The following CACNA2D3 variants were observed in gnomAD, a reference collection of about 807,000 sequenced individuals.
The protein encoded by CACNA2D3 is voltage-dependent calcium channel subunit alpha-2/delta-3.
In CACNA2D3, 60 loss-of-function variants were observed where a neutral mutation model predicts 160.6. The ratio of observed to expected loss-of-function variants is 0.37; its 90% confidence interval spans 0.30 to 0.46. The LOEUF is 0.46. Among genes scored for constraint, CACNA2D3 ranks in the 20% least tolerant of loss-of-function variants. CACNA2D3 has a pLI of 1.00. For missense variants in CACNA2D3, 1,205 were observed against 1,365.0 expected (o/e 0.88, Z 1.85); for synonymous variants, 558 against 492.9 (o/e 1.13, Z -1.75).
At chr3:54,821,729 C>T (rs1473458341) in intron 14 of CACNA2D3, among the ~76,000 whole-genome samples, 3 of 142,590 alleles carry the variant, frequency 2.1e-5, no homozygotes, top group East Asian at 4.2e-4. Flanking sequence ...CTCTCTCTCT[C>T]TCTCTCTTTC....
At chr3:54,402,797 C>G (rs6807267) in intron 4 of CACNA2D3, among the ~76,000 whole-genome samples, 126,912 of 152,176 alleles carry the variant, frequency 0.83, 52,999 homozygotes, top group African/African-American at 0.86. Context: ...AATATATACA[C>G]AACTTTCCAT....
Position 54,254,475 on chromosome 3 carries a change from C to T in CACNA2D3, c.205-65967C>T, listed in dbSNP as rs142150304. On this transcript the variant is annotated intron_variant, in intron 2 of 37. Transcript: ENST00000474759. The stretch of plus-strand genomic sequence containing the variant: ...GAGGTATCCACCAAATGCAATCTTC[C>T]AGTAGCTTCTTTGTGGTTATGTTTG... Among the ~76,000 whole-genome samples the T allele has an allele frequency of 7.5e-3, 1,149 of 152,256 alleles. 12 individuals carry two copies. The highest frequency in any genetic ancestry group is 0.013 in the Non-Finnish European group (851 of 68,012).
At chr3:54,842,937 A>G (rs1409454334) in intron 16 of CACNA2D3, among the ~76,000 whole-genome samples, 1 of 151,654 alleles carries the variant, frequency 6.6e-6, no homozygotes, top group Non-Finnish European at 1.5e-5. Context: ...AGAGGAAGGA[A>G]AGAGAACTAC....
intron 4 of CACNA2D3, among the ~76,000 whole-genome samples, chr3:54,422,692 A>G (rs536643965): frequency 6.6e-6 from 1 of 152,268 alleles, no homozygotes; most frequent in Admixed American, 6.5e-5. Flanking sequence ...ATGATATCAA[A>G]TGTTGGTAAG....
chr3:55,037,491 G>T (rs1195971433), intron 35 of CACNA2D3, among the ~76,000 whole-genome samples: 1 of 152,148 alleles, frequency 6.6e-6, no homozygotes, highest in Non-Finnish European at 1.5e-5. Context: ...TGTGTCCTAG[G>T]GTCTTGGAGA....
chr3:54,658,268 C>G (rs1214998517), intron 11 of CACNA2D3, among the ~76,000 whole-genome samples: 2 of 152,210 alleles, frequency 1.3e-5, no homozygotes, highest in African/African-American at 4.8e-5. Context: ...ATACTGTTTT[C>G]ATAATGGCTG....
chr3:54,250,608 A>G (rs1702169233), intron 2 of CACNA2D3, among the ~76,000 whole-genome samples: 1 of 151,740 alleles, frequency 6.6e-6, no homozygotes. Flanking sequence ...TAATTTTTAA[A>G]TTTTTTTTGT....
chr3:54,425,085 T>G (rs552557285), intron 4 of CACNA2D3, among the ~76,000 whole-genome samples: 83 of 152,292 alleles, frequency 5.5e-4, no homozygotes, highest in Middle Eastern at 3.4e-3. Context: ...ATCCCAGAAC[T>G]TTGGGAGGCT....
chr3:54,843,387 G>A (rs543586873), intron 16 of CACNA2D3, among the ~76,000 whole-genome samples: 4 of 152,212 alleles, frequency 2.6e-5, no homozygotes, highest in African/African-American at 9.7e-5. Context: ...GCATGGGTGA[G>A]GATTAGCCAC....
intron 29 of CACNA2D3, among the ~76,000 whole-genome samples, chr3:54,982,838 T>C (rs1702535218): frequency 6.6e-6 from 1 of 151,870 alleles, no homozygotes; most frequent in African/African-American, 2.4e-5. Flanking sequence ...TTGGTGGGAG[T>C]ATAGCAGTGA....
intron 2 of CACNA2D3, among the ~76,000 whole-genome samples, chr3:54,147,335 C>T (rs1218726382): frequency 6.6e-6 from 1 of 152,242 alleles, no homozygotes; most frequent in Non-Finnish European, 1.5e-5. Flanking sequence ...GTTGGCTCTT[C>T]TGACTCTAAA....
At chr3:54,252,100 G>GTTTT (rs548233026) in intron 2 of CACNA2D3, among the ~76,000 whole-genome samples, 4 of 121,014 alleles carry the variant, frequency 3.3e-5, no homozygotes, top group South Asian at 2.6e-4. Context: ...TGCAGAGCTA[G>GTTTT]TTTTTTTTTT....
chr3:54,328,753 G>A (rs1704175931), intron 3 of CACNA2D3, among the ~76,000 whole-genome samples: 1 of 152,198 alleles, frequency 6.6e-6, no homozygotes. Context: ...AGAGAGGAAT[G>A]TGGGTGTAGG....
At chr3:54,603,366 T>C (rs1176727268) in intron 9 of CACNA2D3, among the ~76,000 whole-genome samples, 1 of 152,240 alleles carries the variant, frequency 6.6e-6, no homozygotes. Flanking sequence ...TACCAGGCTC[T>C]CTCAACCCCA....
chr3:54,208,014 G>A (rs9825455), intron 2 of CACNA2D3, among the ~76,000 whole-genome samples: 53,078 of 152,020 alleles, frequency 0.35, 11,531 homozygotes, highest in East Asian at 0.6. Flanking sequence ...CAGTGTTGTC[G>A]ATTTGATTTT....
chr3:54,456,931 G>A (rs895600019), intron 4 of CACNA2D3, among the ~76,000 whole-genome samples: 4 of 151,604 alleles, frequency 2.6e-5, no homozygotes, highest in Admixed American at 6.6e-5. Flanking sequence ...TATTTCTGTA[G>A]TATCAGCTGT....
At chr3:54,148,496 G>C (rs191716974) in intron 2 of CACNA2D3, among the ~76,000 whole-genome samples, 26 of 152,328 alleles carry the variant, frequency 1.7e-4, no homozygotes, top group African/African-American at 5.5e-4. Context: ...CTAGCATGTG[G>C]CAGGGGGTTG....
rs569325102 is a variant in CACNA2D3, at chr3:54,792,689, G to A, written c.1381-24164G>A. ...CTCTGCCCTCAGAAGAAAGAAATCCGTTTCCTCATGGTTCCAGCTAAAGCC... is the reference window on the plus strand; with the variant it reads ...CTCTGCCCTCAGAAGAAAGAAATCCATTTCCTCATGGTTCCAGCTAAAGCC... On this transcript the variant is annotated intron_variant, in intron 13 of 37. Coordinates refer to ENST00000474759, the MANE Select transcript of CACNA2D3 (RefSeq NM_018398.3). 3.3e-5 allele frequency among the ~76,000 whole-genome samples: 5 copies of A among 152,118 alleles called. No individual in the cohort carries two copies. In the South Asian group the frequency reaches 6.2e-4, roughly 19 times the overall value.
At chr3:54,364,715 G>A (rs1368625396) in intron 3 of CACNA2D3, among the ~76,000 whole-genome samples, 2 of 152,156 alleles carry the variant, frequency 1.3e-5, no homozygotes, top group Admixed American at 1.3e-4. Flanking sequence ...CTCTTCAGCT[G>A]TTTATTACAA....
Sources: allele counts gnomAD v4.1 joint callset (sites outside exome capture counted in the v4.1 genomes callset), GRCh38; gene constraint gnomAD v4.1.1; transcripts MANE v1.5; gene names NCBI Gene and HGNC (gene_info 2026-07-23, HGNC 2026-07-21).